ABL1: variants seen among roughly 807,000 people sequenced by gnomAD.
ABL1 encodes tyrosine-protein kinase ABL1.
A neutral mutation model predicts 94.7 loss-of-function variants in ABL1; 11 were observed. The observed-to-expected ratio is 0.12, with a 90% confidence interval of 0.07 to 0.19. The LOEUF (loss-of-function observed/expected upper bound fraction) is 0.19. Among genes scored for constraint, ABL1 ranks in the 10% least tolerant of loss-of-function variants. The pLI, the probability that ABL1 is intolerant of heterozygous loss-of-function variation, is 1.00. For synonymous variants in ABL1, 656 were observed against 622.4 expected, an observed-to-expected ratio of 1.05 and a Z score of -0.80; for missense variants, 1,082 against 1,489.4, an observed-to-expected ratio of 0.73 and a Z score of 4.50.
intron 1 of ABL1, among the ~76,000 whole-genome samples, chr9:130,784,121 A>G (rs1357992911): frequency 3.3e-5 from 5 of 152,074 alleles, no homozygotes; most frequent in Non-Finnish European, 5.9e-5. Flanking sequence ...TTTTAAAAAA[A>G]ATCTCTAAAA....
At chr9:130,749,603 G>A (rs959431303) in intron 1 of ABL1, among the ~76,000 whole-genome samples, 3 of 152,148 alleles carry the variant, frequency 2.0e-5, no homozygotes, top group East Asian at 1.9e-4. Context: ...TTAAAGCCAC[G>A]TGATCTTGTA....
intron 1 of ABL1, chr9:130,724,834 T>A: frequency 2.0e-6 from 1 of 490,068 alleles, no homozygotes; most frequent in East Asian, 5.5e-5. Context: ...TAGGTGTTGT[T>A]CCTTTATGGA....
At chr9:130,850,541 C>G (rs1400238977) in intron 1 of ABL1, among the ~76,000 whole-genome samples, 1 of 152,208 alleles carries the variant, frequency 6.6e-6, no homozygotes, top group Non-Finnish European at 1.5e-5. Flanking sequence ...GAGTCTCACT[C>G]TGTTGCCCAG....
chr9:130,842,623 C>T (rs1297171433), intron 1 of ABL1, among the ~76,000 whole-genome samples: 1 of 152,212 alleles, frequency 6.6e-6, no homozygotes. Flanking sequence ...GGGAAATTGC[C>T]TGTCATTGGG....
chr9:130,868,835 G>T (rs757701567), intron 4 of ABL1, among the ~76,000 whole-genome samples: 4 of 152,076 alleles, frequency 2.6e-5, no homozygotes, highest in Non-Finnish European at 4.4e-5. Context: ...TAGAATACCT[G>T]TGCTTGGGGG....
intron 10 of ABL1, 48 bp from the exon 11 acceptor site, chr9:130,883,921 A>C (rs769593869): frequency 6.5e-7 from 1 of 1,549,644 alleles, no homozygotes; most frequent in Non-Finnish European, 8.7e-7. Context: ...CTCCTCTGTC[A>C]GCCTCTAGAG....
intron 1 of ABL1, among the ~76,000 whole-genome samples, chr9:130,778,676 T>C (rs1829705312): frequency 6.6e-6 from 1 of 151,660 alleles, no homozygotes; most frequent in African/African-American, 2.4e-5. Context: ...TCCCCCAGTT[T>C]GTTGAAATAT....
chr9:130,773,411 G>C (rs1832276030), intron 1 of ABL1, among the ~76,000 whole-genome samples: 1 of 152,140 alleles, frequency 6.6e-6, no homozygotes, highest in African/African-American at 2.4e-5. Context: ...TCTTGGCATT[G>C]TTTGCTAATT....
At chr9:130,882,899 G>A (rs907407751) in intron 10 of ABL1, among the ~76,000 whole-genome samples, 4 of 152,044 alleles carry the variant, frequency 2.6e-5, no homozygotes, top group African/African-American at 7.2e-5. Context: ...ACTGTTGGCC[G>A]GGCGTGGTGG....
At chr9:130,802,133 C>T (rs1007073058) in intron 1 of ABL1, among the ~76,000 whole-genome samples, 6 of 141,598 alleles carry the variant, frequency 4.2e-5, no homozygotes, top group Non-Finnish European at 6.0e-5. Flanking sequence ...CTCTGTTGCC[C>T]AGGCTGGATG....
chr9:130,723,272 A>G, intron 1 of ABL1, among the ~76,000 whole-genome samples: 1 of 152,132 alleles, frequency 6.6e-6, no homozygotes, highest in Non-Finnish European at 1.5e-5. Flanking sequence ...GGCCAGGTGC[A>G]GTGGCTCACA....
At chr9:130,842,202 GGA>G (rs1035427579) in intron 1 of ABL1, among the ~76,000 whole-genome samples, 1 of 152,144 alleles carries the variant, frequency 6.6e-6, no homozygotes, top group African/African-American at 2.4e-5. Flanking sequence ...ATGGGTAGCT[GGA>G]GAGAGAGGCC....
At position 130,730,073 on chromosome 9, in the gene ABL1, T is replaced by TC. The variant is rs1371042300; in HGVS notation, c.136+15618_136+15619insC. ...TTTTTTTTTTTTTGAGATGGAATTC[T>TC]GCTCTTGTTGCCCACGCTGGAGTGC... is the stretch of plus-strand genomic sequence containing the variant. On this transcript the variant is annotated intron_variant, in intron 1 of 10. Transcript: ENST00000372348. Among the ~76,000 whole-genome samples the TC allele has an allele frequency of 2.2e-3, 291 of 129,884 alleles. 2 individuals carry two copies. Among genetic ancestry groups the TC allele is most frequent in the Non-Finnish European group, 3.4e-3 (216 of 63,944 alleles). 85.2% of individuals were successfully genotyped at this position (129,884 alleles called of 152,430 possible).
chr9:130,742,628 T>C (rs1017715260), intron 1 of ABL1, among the ~76,000 whole-genome samples: 1 of 152,230 alleles, frequency 6.6e-6, no homozygotes, highest in African/African-American at 2.4e-5. Flanking sequence ...AAAGAGCCTT[T>C]ATTCTAAAGT....
upstream of ABL1, among the ~76,000 whole-genome samples, chr9:130,834,227 C>T (rs1830530169): frequency 6.6e-6 from 1 of 152,226 alleles, no homozygotes; most frequent in Admixed American, 6.5e-5. Flanking sequence ...CAATACACGT[C>T]AGCTCTTACT....
At position 130,872,106 on chromosome 9, in the gene ABL1, C is replaced by T. The variant is rs967569583; in HGVS notation, c.823-23C>T. On this transcript the variant is annotated intron_variant, in intron 4 of 10. Coordinates refer to ENST00000318560, the MANE Select transcript of ABL1 (RefSeq NM_005157.6). This position sits in a 1 kb window ranked among gnomAD's most constrained non-coding sequence, Gnocchi z 5.0. ...AAAAGCACTTCCTGAAATAATTTCA[C>T]CTTCGTTTTTTTCCTTCTGCAGGAG... The T allele has an allele frequency of 1.9e-6, 3 of 1,610,610 alleles. No individual in the cohort carries two copies. Among genetic ancestry groups the T allele is most frequent in the South Asian group, 2.2e-5 (2 of 90,846 alleles).
chr9:130,806,680 T>C (rs1338541408), intron 1 of ABL1, among the ~76,000 whole-genome samples: 1 of 152,226 alleles, frequency 6.6e-6, no homozygotes, highest in Non-Finnish European at 1.5e-5. Context: ...CATAAAATGT[T>C]ATATGTCTTA....
At chr9:130,719,510 C>T (rs2791724) in intron 1 of ABL1, among the ~76,000 whole-genome samples, 36,306 of 151,888 alleles carry the variant, frequency 0.24, 5,290 homozygotes, top group Middle Eastern at 0.38. Context: ...CCAGCCTGGG[C>T]GACGGAGTGA....
intron 1 of ABL1, among the ~76,000 whole-genome samples, chr9:130,845,335 A>G (rs1335697586): frequency 6.6e-6 from 1 of 151,868 alleles, no homozygotes; most frequent in African/African-American, 2.4e-5. Flanking sequence ...AACAGTCCAA[A>G]TCTTAACCTT....
Sources: gnomAD v4.1 joint callset for allele counts (sites outside exome capture counted in the v4.1 genomes callset) on GRCh38, gnomAD v4.1.1 for gene constraint, Gnocchi (gnomAD v3.1) non-coding constraint, MANE v1.5 for transcripts, NCBI Gene and HGNC (gene_info 2026-07-23, HGNC 2026-07-21) for gene names.